FGFRL1: variants seen among roughly 807,000 people sequenced by gnomAD.
FGFRL1 encodes fibroblast growth factor receptor like 1.
A neutral mutation model predicts 36.8 loss-of-function variants in FGFRL1; 24 were observed. The ratio of observed to expected loss-of-function variants is 0.65; its 90% CI spans 0.47 to 0.92. FGFRL1 has a LOEUF of 0.92. Ranked by LOEUF, FGFRL1 falls within the 40% of genes least tolerant of loss-of-function variation. The pLI is 0.00. For missense variants in FGFRL1, 785 were observed against 753.4 expected (o/e 1.04, Z -0.49); for synonymous variants, 422 against 344.1 (o/e 1.23, Z -2.50).
rs532694842 is a variant in FGFRL1 at position 1,017,653 on chromosome 4, T to G, written c.80-4550T>G. Reference sequence around the variant, plus strand: ...CACTGGAAAGTTGGAGGAGGCCGTTTCCAGCCAGTGTCCTGGTCCTAGCTC... The same window carrying G: ...CACTGGAAAGTTGGAGGAGGCCGTTGCCAGCCAGTGTCCTGGTCCTAGCTC... On this transcript the variant is annotated intron_variant, in intron 2 of 6. Coordinates refer to ENST00000510644, the MANE Select transcript of FGFRL1 (RefSeq NM_001004356.3). Among the ~76,000 whole-genome samples, 28 of 152,290 alleles carry G rather than the reference T, an allele frequency of 1.8e-4. No individual in the cohort carries two copies. The South Asian group carries it at 5.8e-3, about 32-fold the overall frequency.
At chr4:1,012,779 T>G (rs1199552523) in intron 2 of FGFRL1, among the ~76,000 whole-genome samples, 2 of 152,208 alleles carry the variant, frequency 1.3e-5, no homozygotes, top group Non-Finnish European at 2.9e-5. Context: ...GGGGTTCCCC[T>G]CATGCGTGCT....
chr4:1,024,961 T>C lies in FGFRL1; in HGVS notation c.1129T>C (p.Trp377Arg), dbSNP rs778745736. The change falls in exon 7 of 7, where the codon TGG becomes CGG. Residue 377 changes from tryptophan to arginine, a missense_variant. Transcript: ENST00000510644. ...ASSSSATSLP[W>R]PVVIGIPAGA... is the part of the protein sequence containing the mutation. ...CTCGTCCTCGGCCACTAGCCTGCCG[T>C]GGCCCGTGGTCATCGGCATCCCAGC... 3.7e-6 allele frequency: 6 copies of C among 1,608,360 alleles called. No individual in the cohort carries two copies. Among genetic ancestry groups the C allele is most frequent in the Non-Finnish European group, 5.1e-6 (6 of 1,179,326 alleles).
Position 1,024,344 on chromosome 4 carries a change from C to G in FGFRL1, c.752C>G (p.Thr251Arg). 1 of 1,609,888 alleles carries G rather than the reference C, an allele frequency of 6.2e-7. No homozygotes were observed. Among genetic ancestry groups the G allele is most frequent in the Non-Finnish European group, 8.5e-7 (1 of 1,178,138 alleles). ...CGTTCCAAGCCCGTGCTCACAGGCA[C>G]GCACCCCGTGAACACGACGGTGGAC... is the stretch of plus-strand genomic sequence containing the variant. ...RTRSKPVLTGTHPVNTTVDFG... is the reference protein window; with the variant it reads ...RTRSKPVLTGRHPVNTTVDFG... The change falls in exon 6 of 7, where the codon ACG becomes AGG. Residue 251 changes from threonine (T) to arginine (R), a missense_variant. Coordinates refer to ENST00000510644, the MANE Select transcript of FGFRL1 (RefSeq NM_001004356.3).
chr4:1,016,119 T>G (rs1297799748), intron 2 of FGFRL1, among the ~76,000 whole-genome samples: 2 of 152,164 alleles, frequency 1.3e-5, no homozygotes, highest in Non-Finnish European at 2.9e-5. Flanking sequence ...CCGGTGTGCC[T>G]GGGCTGCTCC....
Position 1,012,480 on chromosome 4 carries a change from G to A in FGFRL1, c.-6G>A, listed in dbSNP as rs1483640140. On this transcript the variant is annotated 5_prime_UTR_variant, in exon 2 of 7. Transcript: ENST00000510644. The stretch of plus-strand genomic sequence containing the variant: ...CCCCAATGTCCCCAGGTCCGGACAG[G>A]CCGAGATGACGCCGAGCCCCCTGTT... The A allele has an allele frequency of 1.3e-6, 2 of 1,575,312 alleles. No homozygotes were observed. The highest frequency in any genetic ancestry group is 1.7e-6 in the Non-Finnish European group (2 of 1,165,274).
Position 1,025,884 on chromosome 4 carries a change from T to C in FGFRL1, c.*537T>C, listed in dbSNP as rs1064838. On this transcript the variant is annotated 3_prime_UTR_variant, in exon 7 of 7. Transcript: ENST00000510644. Reference sequence around the variant, plus strand: ...TTGCCTGGACACACACACACACACGTGTGCACAGATATGCTGTCTGGACAC... The same window carrying C: ...TTGCCTGGACACACACACACACACGCGTGCACAGATATGCTGTCTGGACAC... The C allele has an allele frequency of 0.49, 83,816 of 172,366 alleles. 20,899 individuals carry two copies. The highest frequency in any genetic ancestry group is 0.66 in the Middle Eastern group (259 of 394). The allele number at this position is 172,366 out of a possible 1,614,324, so 10.7% of individuals were successfully genotyped here. A position where few individuals can be genotyped will look rare whatever the true frequency, so the allele number is the denominator to read the frequency against.
chr4:1,012,398 C>G, intron 1 of FGFRL1, 72 bp from the exon 2 acceptor site: 5 of 1,542,182 alleles, frequency 3.2e-6, no homozygotes, highest in Non-Finnish European at 4.3e-6. Flanking sequence ...CCCTGATCCC[C>G]GCGGCCCGGG....
intron 2 of FGFRL1, among the ~76,000 whole-genome samples, chr4:1,020,639 G>A (rs1409127446): frequency 1.1e-4 from 14 of 122,192 alleles, no homozygotes; most frequent in South Asian, 6.3e-4. Context: ...TGAGGCAGGG[G>A]ATGGGGTGGG....
chr4:1,015,229 C>T (rs1715827225), intron 2 of FGFRL1, among the ~76,000 whole-genome samples: 1 of 152,218 alleles, frequency 6.6e-6, no homozygotes, highest in Non-Finnish European at 1.5e-5. Context: ...CCGCCAGTGA[C>T]TCCAGGCCTG....
chr4:1,014,196 C>T (rs567701226), intron 2 of FGFRL1, among the ~76,000 whole-genome samples: 6 of 152,154 alleles, frequency 3.9e-5, no homozygotes, highest in East Asian at 1.9e-4. Flanking sequence ...ATCGGCACAT[C>T]GCTACACTCA....
At chr4:1,014,810 C>T (rs879902931) in intron 2 of FGFRL1, among the ~76,000 whole-genome samples, 4 of 152,276 alleles carry the variant, frequency 2.6e-5, no homozygotes, top group African/African-American at 4.8e-5. Flanking sequence ...TCGGGCCAGC[C>T]GCCCCGTTTC....
rs749427340 is a variant in FGFRL1 at position 1,022,330 on chromosome 4, C to T, written c.207C>T (p.Thr69=). The change falls in exon 3 of 7, where the codon ACC becomes ACT. Residue 69 remains threonine, a synonymous_variant. Coordinates refer to ENST00000510644, the MANE Select transcript of FGFRL1 (RefSeq NM_001004356.3). ...CCATGTGGACCAAGGATGGCCGCAC[C>T]ATCCACAGCGGCTGGAGCCGCTTCC... ...PLTMWTKDGR[T]IHSGWSRFRV... 1 of 1,603,392 alleles carries T rather than the reference C, an allele frequency of 6.2e-7. No individual in the cohort carries two copies. Among genetic ancestry groups the T allele is most frequent in the Non-Finnish European group, 8.5e-7 (1 of 1,175,856 alleles).
Position 1,025,096 on chromosome 4 carries a change from A to T in FGFRL1, c.1264A>T (p.Thr422Ser), listed in dbSNP as rs777488330. 21 of 1,610,180 alleles carry T rather than the reference A, an allele frequency of 1.3e-5. No homozygotes were observed. The Admixed American group carries it at 3.3e-4, about 26-fold the overall frequency. ...CCTGCCTGGGCACCGCCCGCCGGGG[A>T]CGGCCCGCGACCGCAGCGGAGACAA... Reference protein sequence around the residue: ...PPLPGHRPPGTARDRSGDKDL... With the variant: ...PPLPGHRPPGSARDRSGDKDL... Residue 422 changes from threonine (T) to serine (S), a missense_variant, in exon 7 of 7, where the codon ACG becomes TCG. Physicochemically the swap from Thr to Ser is moderately conservative, Grantham distance 58. Transcript: ENST00000510644.
chr4:1,021,411 C>T (rs1267517152), intron 2 of FGFRL1, among the ~76,000 whole-genome samples: 2 of 152,068 alleles, frequency 1.3e-5, no homozygotes, highest in African/African-American at 2.4e-5. Flanking sequence ...TGCCCGTGGT[C>T]AGCCCGAGCT....
At chr4:1,024,286 A>G in intron 5 of FGFRL1, 25 bp from the exon 6 acceptor site, 5 of 1,563,316 alleles carry the variant, frequency 3.2e-6, no homozygotes, top group Middle Eastern at 1.8e-4. Context: ...CCCAGGAGCC[A>G]TGCCCGCGTG....
At chr4:1,022,156 G>A (rs764245324) in intron 2 of FGFRL1, 47 bp from the exon 3 acceptor site, 135 of 1,442,492 alleles carry the variant, frequency 9.4e-5, no homozygotes, top group Non-Finnish European at 1.2e-4. Context: ...CCCCGGCTCC[G>A]GACCCCAAGC....
intron 2 of FGFRL1, among the ~76,000 whole-genome samples, chr4:1,018,413 G>A (rs1716006496): frequency 6.6e-6 from 1 of 152,194 alleles, no homozygotes; most frequent in Non-Finnish European, 1.5e-5. Flanking sequence ...CACTGCCTCC[G>A]AGTCTAGTCC....
intron 1 of FGFRL1, chr4:1,012,166 C>T (rs902604738): frequency 4.1e-6 from 1 of 243,786 alleles, no homozygotes; most frequent in Admixed American, 5.7e-5. Flanking sequence ...GCTAATGGCG[C>T]AGGCGATTAT....
At chr4:1,011,055 C>T (rs2153024456), upstream of FGFRL1, 1 of 152,176 alleles carries the variant, frequency 6.6e-6, no homozygotes, top group Admixed American at 6.5e-5. Flanking sequence ...CCCAGCAGCT[C>T]CGGCTGGGCG....
Sources: allele counts gnomAD v4.1 joint callset (sites outside exome capture counted in the v4.1 genomes callset), GRCh38; gene constraint gnomAD v4.1.1; transcripts MANE v1.5; gene names NCBI Gene and HGNC (gene_info 2026-07-23, HGNC 2026-07-21).